Variants in RGS6 observed in about 807,000 individuals in gnomAD.
RGS6 encodes regulator of G protein signaling 6, also known as regulator of G-protein signaling 6.
A neutral mutation model predicts 78.5 loss-of-function variants in RGS6; 30 were observed. The observed-to-expected ratio is 0.38, with a 90% CI of 0.29 to 0.52. The LOEUF is 0.52. Ranked by LOEUF, RGS6 falls within the 20% of genes least tolerant of loss-of-function variation. The pLI, the probability that RGS6 is intolerant of heterozygous loss-of-function variation, is 0.85. For synonymous variants in RGS6, 206 were observed against 206.0 expected (o/e 1.00, Z 0.00); for missense variants, 495 against 609.7 (o/e 0.81, Z 1.98).
intron 2 of RGS6, among the ~76,000 whole-genome samples, chr14:72,327,898 T>A (rs2074160474): frequency 6.6e-6 from 1 of 151,720 alleles, no homozygotes; most frequent in Non-Finnish European, 1.5e-5. Flanking sequence ...TATATAACAA[T>A]AGGATATAGC....
At chr14:72,343,307 GCTT>G (rs1192775087) in intron 2 of RGS6, among the ~76,000 whole-genome samples, 1 of 152,096 alleles carries the variant, frequency 6.6e-6, no homozygotes. Context: ...GCATTCCTTG[GCTT>G]GTGGCCCCTT....
At chr14:71,987,881 C>T (rs1430988906) in intron 2 of RGS6, among the ~76,000 whole-genome samples, 4 of 152,190 alleles carry the variant, frequency 2.6e-5, no homozygotes, top group African/African-American at 9.7e-5. Flanking sequence ...ATAACCTTCT[C>T]ATGACTGTCC....
intron 2 of RGS6, among the ~76,000 whole-genome samples, chr14:72,101,669 G>C (rs181357472): frequency 4.6e-5 from 7 of 152,242 alleles, no homozygotes; most frequent in Admixed American, 4.6e-4. Context: ...GTGAACGCTT[G>C]GATACGTGTT....
the RGS6 span, among the ~76,000 whole-genome samples, chr14:71,899,529 C>T: frequency 6.6e-6 from 1 of 152,154 alleles, no homozygotes; most frequent in Non-Finnish European, 1.5e-5. Flanking sequence ...AGGGATAGGT[C>T]CTGTGTGGCA....
intron 3 of RGS6, among the ~76,000 whole-genome samples, chr14:72,412,770 T>C (rs2093516220): frequency 6.6e-6 from 1 of 152,238 alleles, no homozygotes; most frequent in Admixed American, 6.5e-5. Flanking sequence ...ATGTTGTGTC[T>C]TTGTTCTCTT....
intron 2 of RGS6, among the ~76,000 whole-genome samples, chr14:72,027,267 CT>C (rs1194916859): frequency 6.6e-6 from 1 of 152,070 alleles, no homozygotes; most frequent in Non-Finnish European, 1.5e-5. Context: ...ATAATATACA[CT>C]TGCACATATG....
chr14:72,509,647 AAG>A (rs1488228409), intron 13 of RGS6, among the ~76,000 whole-genome samples: 1 of 152,218 alleles, frequency 6.6e-6, no homozygotes, highest in African/African-American at 2.4e-5. Context: ...TGCTTCTAAC[AAG>A]AGAATATGCT....
intron 2 of RGS6, among the ~76,000 whole-genome samples, chr14:71,979,204 C>CA (rs1340125841): frequency 6.8e-6 from 1 of 147,656 alleles, no homozygotes; most frequent in African/African-American, 2.5e-5. Context: ...TTGATCCTTT[C>CA]AAAAAACCAG....
chr14:72,097,698 A>G (rs2095437861), intron 2 of RGS6, among the ~76,000 whole-genome samples: 1 of 151,788 alleles, frequency 6.6e-6, no homozygotes, highest in African/African-American at 2.4e-5. Context: ...TGCCGGGAAG[A>G]CTCCCACTTA....
At chr14:72,508,839 T>C (rs17116642) in intron 13 of RGS6, among the ~76,000 whole-genome samples, 3 of 151,968 alleles carry the variant, frequency 2.0e-5, no homozygotes, top group African/African-American at 7.2e-5. Flanking sequence ...CTTCTTCTGG[T>C]TCACAGACCA....
intron 2 of RGS6, among the ~76,000 whole-genome samples, chr14:72,324,916 T>C (rs1345291132): frequency 6.6e-6 from 1 of 152,198 alleles, no homozygotes; most frequent in African/African-American, 2.4e-5. Context: ...TTCTAGATCC[T>C]TGAGGAATTA....
intron 2 of RGS6, among the ~76,000 whole-genome samples, chr14:72,340,528 C>A (rs1206262099): frequency 2.6e-5 from 4 of 152,106 alleles, no homozygotes; most frequent in African/African-American, 9.7e-5. Context: ...TGCAGGCAGG[C>A]TGGGAAGATC....
At chr14:72,016,329 T>C (rs1034055002) in intron 2 of RGS6, among the ~76,000 whole-genome samples, 1 of 152,218 alleles carries the variant, frequency 6.6e-6, no homozygotes, top group Non-Finnish European at 1.5e-5. Flanking sequence ...CAAACACGTG[T>C]GACTGTGTGT....
Position 72,332,013 on chromosome 14 carries a change from A to G in RGS6, c.85-20082A>G, listed in dbSNP as rs143407799. ...GTTAGCCCGCATTAGACAGGGCTGT[A>G]TTTACACACCCAGAGGTGGCCTGTG... is the stretch of plus-strand genomic sequence containing the variant. On this transcript the variant is annotated intron_variant, in intron 2 of 17. Transcript: ENST00000553525. Among the ~76,000 whole-genome samples the G allele has an allele frequency of 5.8e-4, 88 of 152,324 alleles. 1 individual carries two copies. Among genetic ancestry groups the G allele is most frequent in the Non-Finnish European group, 1.1e-3 (73 of 68,026 alleles).
chr14:72,570,897 A>C (rs183428642), downstream of RGS6, among the ~76,000 whole-genome samples: 77 of 152,330 alleles, frequency 5.1e-4, no homozygotes, highest in African/African-American at 1.8e-3. Context: ...TTGACGTCCA[A>C]AGTGTCCCAT....
intron 3 of RGS6, 52 bp downstream of exon 3, chr14:72,352,246 A>T: frequency 7.3e-7 from 1 of 1,374,030 alleles, no homozygotes. Context: ...CCAAAGAGTT[A>T]TAAGTCTAGA....
chr14:72,580,005 G>A, the RGS6 span, among the ~76,000 whole-genome samples: 7 of 152,318 alleles, frequency 4.6e-5, no homozygotes, highest in Non-Finnish European at 7.4e-5. Context: ...TATCAGCTAA[G>A]GCACAAATGA....
intron 3 of RGS6, among the ~76,000 whole-genome samples, chr14:72,414,668 CT>C (rs1017506789): frequency 7.2e-5 from 11 of 152,120 alleles, no homozygotes; most frequent in African/African-American, 9.7e-5. Context: ...TTTTTCTGCT[CT>C]TTTTTTCCCC....
chr14:72,270,715 G>A (rs2059807901), intron 2 of RGS6, among the ~76,000 whole-genome samples: 1 of 152,158 alleles, frequency 6.6e-6, no homozygotes, highest in African/African-American at 2.4e-5. Flanking sequence ...TGGGCAGCTG[G>A]GAAGATGAGT....
Sources: gnomAD v4.1 joint callset for allele counts (sites outside exome capture counted in the v4.1 genomes callset) on GRCh38, gnomAD v4.1.1 for gene constraint, MANE v1.5 for transcripts, NCBI Gene and HGNC (gene_info 2026-07-23, HGNC 2026-07-21) for gene names.